Variants in ARID1B observed in about 807,000 individuals in gnomAD.
ARID1B encodes the protein AT-rich interaction domain 1B.
A neutral mutation model predicts 212.3 loss-of-function variants in ARID1B; 30 were observed. The observed-to-expected ratio is 0.14, with a 90% confidence interval of 0.11 to 0.19. The LOEUF (loss-of-function observed/expected upper bound fraction) is 0.19, where lower values mean the gene tolerates loss of function less well. ARID1B is among the 10% of genes least tolerant of loss of function. The probability of loss-of-function intolerance (pLI) is 1.00; values close to 1 mark genes in which losing one functional copy is unlikely to be tolerated. For synonymous variants in ARID1B, 1,402 were observed against 1,301.7 expected (o/e 1.08, Z -1.66); for missense variants, 2,891 against 3,204.0 (o/e 0.90, Z 2.36).
At chr6:156,786,478 G>A (rs545337496) in intron 1 of ARID1B, among the ~76,000 whole-genome samples, 6 of 152,258 alleles carry the variant, frequency 3.9e-5, no homozygotes, top group Admixed American at 2.6e-4. Flanking sequence ...ATGAACAGGC[G>A]TCTTTGGTTT....
chr6:157,031,950 C>A (rs567435730), intron 4 of ARID1B, among the ~76,000 whole-genome samples: 1 of 152,310 alleles, frequency 6.6e-6, no homozygotes, highest in African/African-American at 2.4e-5. Flanking sequence ...GCATGCGCCA[C>A]CACGCTCAGC....
chr6:156,861,248 G>C (rs1324851792), intron 2 of ARID1B, among the ~76,000 whole-genome samples: 1 of 152,190 alleles, frequency 6.6e-6, no homozygotes, highest in East Asian at 1.9e-4. Flanking sequence ...TATAATCCTA[G>C]ACTGGCATGG....
At chr6:156,839,509 G>T (rs557471219) in intron 2 of ARID1B, among the ~76,000 whole-genome samples, 1 of 152,296 alleles carries the variant, frequency 6.6e-6, no homozygotes, top group South Asian at 2.1e-4. Context: ...CTGAGCAGTT[G>T]GGGAGAGGAG....
At chr6:156,953,892 A>G (rs1040266108) in intron 4 of ARID1B, among the ~76,000 whole-genome samples, 5 of 152,186 alleles carry the variant, frequency 3.3e-5, no homozygotes, top group Non-Finnish European at 5.9e-5. Flanking sequence ...CTTTTAGTAA[A>G]TGTTTAAAAA....
chr6:157,198,506 A>T, intron 16 of ARID1B: 1 of 336,750 alleles, frequency 3.0e-6, no homozygotes, highest in Non-Finnish European at 5.5e-6. Flanking sequence ...GCGGCCTCCA[A>T]GCAGAGGCCA....
chr6:156,887,372 A>ATTC (rs1787596852), intron 2 of ARID1B, among the ~76,000 whole-genome samples: 1 of 152,132 alleles, frequency 6.6e-6, no homozygotes, highest in Admixed American at 6.5e-5. Flanking sequence ...GTCTGTGGAG[A>ATTC]AGTTGGACCC....
chr6:157,148,923 C>G lies in ARID1B; in HGVS notation c.3061C>G (p.Gln1021Glu). 1 of 1,612,362 alleles carries G rather than the reference C, an allele frequency of 6.2e-7. No homozygotes were observed. Among genetic ancestry groups the G allele is most frequent in the Non-Finnish European group, 8.5e-7 (1 of 1,179,626 alleles). The change falls in exon 8 of 20, where the codon CAG becomes GAG. Residue 1021 changes from glutamine to glutamate, a missense_variant. Gln to Glu is a conservative substitution (Grantham distance 29). Coordinates refer to ENST00000636930, the MANE Select transcript of ARID1B (RefSeq NM_001374828.1). The surrounding 1 kb of genome is among the most constrained non-coding windows in gnomAD (Gnocchi z 5.6). ...KAQEAAAAVM[Q>E]AAANSAQSRQ... ...ACAGGAGGCAGCCGCAGCAGTGATG[C>G]AGGCTGCTGCGAACTCAGCACAAAG...
chr6:157,098,301 T>C (rs1225728287), intron 5 of ARID1B, among the ~76,000 whole-genome samples: 1 of 152,138 alleles, frequency 6.6e-6, no homozygotes, highest in Non-Finnish European at 1.5e-5. Flanking sequence ...TGAGGAAAGT[T>C]CAGAACCTAC....
Position 157,206,955 on chromosome 6 carries a change from G to T in ARID1B, c.6183G>T (p.Gln2061His). The change falls in exon 20 of 20, where the codon CAG becomes CAT. Residue 2061 changes from glutamine to histidine, a missense_variant. Coordinates refer to ENST00000636930, the MANE Select transcript of ARID1B (RefSeq NM_001374828.1). The surrounding 1 kb of genome is among the most constrained non-coding windows in gnomAD (Gnocchi z 6.8). ...CTCTGTGTACCATCGCGCACTGGCA[G>T]GACTCGCTGGCTAAGCGATGCATCT... The part of the protein sequence containing the change: ...ETPLCTIAHW[Q>H]DSLAKRCICV... 3 of 1,614,248 alleles carry T rather than the reference G, an allele frequency of 1.9e-6. No individual in the cohort carries two copies. Among genetic ancestry groups the T allele is most frequent in the Non-Finnish European group, 2.5e-6 (3 of 1,180,042 alleles).
At chr6:156,876,131 C>G (rs773361039) in intron 2 of ARID1B, among the ~76,000 whole-genome samples, 2 of 152,206 alleles carry the variant, frequency 1.3e-5, no homozygotes, top group African/African-American at 4.8e-5. Context: ...CCCGTGGTAC[C>G]TACCAGGCAC....
At chr6:157,093,032 G>T (rs916906299) in intron 5 of ARID1B, among the ~76,000 whole-genome samples, 2 of 152,166 alleles carry the variant, frequency 1.3e-5, no homozygotes, top group Non-Finnish European at 2.9e-5. Context: ...TGGATTCTGC[G>T]TGTGCTGCCT....
intron 5 of ARID1B, among the ~76,000 whole-genome samples, chr6:157,090,461 G>A (rs887019806): frequency 4.6e-5 from 7 of 152,208 alleles, no homozygotes; most frequent in African/African-American, 1.7e-4. Flanking sequence ...TGATCTGGCA[G>A]CAGAAGGCCA....
intron 4 of ARID1B, among the ~76,000 whole-genome samples, chr6:157,004,765 G>A (rs1029749897): frequency 6.6e-6 from 1 of 152,106 alleles, no homozygotes; most frequent in African/African-American, 2.4e-5. Flanking sequence ...TACACACTTT[G>A]TACCATATTG....
chr6:157,080,865 T>G (rs1192936809), intron 4 of ARID1B, among the ~76,000 whole-genome samples: 4 of 152,204 alleles, frequency 2.6e-5, no homozygotes, highest in Non-Finnish European at 5.9e-5. Context: ...GATTTTGGTT[T>G]TTGAAGGCAG....
chr6:157,002,126 G>T (rs1450917172), intron 4 of ARID1B, among the ~76,000 whole-genome samples: 2 of 152,172 alleles, frequency 1.3e-5, no homozygotes, highest in African/African-American at 4.8e-5. Context: ...CTAGAACTTA[G>T]AAAAGTTCCT....
At chr6:157,011,610 A>G (rs1432076070) in intron 4 of ARID1B, among the ~76,000 whole-genome samples, 1 of 152,346 alleles carries the variant, frequency 6.6e-6, no homozygotes, top group South Asian at 2.1e-4. Flanking sequence ...TCCATGAACA[A>G]CCGTTTCACA....
chr6:157,008,760 G>T (rs929371426), intron 4 of ARID1B, among the ~76,000 whole-genome samples: 4 of 152,054 alleles, frequency 2.6e-5, no homozygotes, highest in Non-Finnish European at 4.4e-5. Context: ...GGCGGGGGAG[G>T]GGGGCGGCGC....
intron 1 of ARID1B, among the ~76,000 whole-genome samples, chr6:156,802,550 A>T (rs1281016787): frequency 2.0e-5 from 3 of 152,218 alleles, no homozygotes; most frequent in Non-Finnish European, 2.9e-5. Context: ...AGGACTTCAA[A>T]TTTTTGACTG....
At chr6:156,923,971 A>C (rs1465708390) in intron 3 of ARID1B, among the ~76,000 whole-genome samples, 2 of 152,222 alleles carry the variant, frequency 1.3e-5, no homozygotes, top group Non-Finnish European at 2.9e-5. Flanking sequence ...CTGGGATTAC[A>C]GGCATAATCT....
Sources: gnomAD v4.1 joint callset for allele counts (sites outside exome capture counted in the v4.1 genomes callset) on GRCh38, gnomAD v4.1.1 for gene constraint, Gnocchi (gnomAD v3.1) non-coding constraint, MANE v1.5 for transcripts, NCBI Gene and HGNC (gene_info 2026-07-23, HGNC 2026-07-21) for gene names.